Variants in SNX27 observed in about 807,000 individuals in gnomAD.
SNX27 encodes sorting nexin 27, also known as sorting nexin-27.
Under a neutral mutation model 71.6 loss-of-function variants are expected in SNX27, and 22 were observed. The ratio of observed to expected loss-of-function variants is 0.31; its 90% confidence interval spans 0.22 to 0.44. The LOEUF is 0.44. SNX27 is among the 20% of genes least tolerant of loss of function. SNX27 has a pLI of 1.00. For synonymous variants in SNX27, 269 were observed against 277.2 expected (o/e 0.97, Z 0.29); for missense variants, 531 against 698.6 (o/e 0.76, Z 2.70).
rs911013460 is a variant in SNX27, at chr1:151,698,333, G to A, written c.*3916G>A. 1 of 152,596 alleles carries A rather than the reference G, an allele frequency of 6.6e-6. No individual in the cohort carries two copies. Among genetic ancestry groups the A allele is most frequent in the African/African-American group, 2.4e-5 (1 of 41,450 alleles). 9.5% of individuals were successfully genotyped at this position (152,596 alleles called of 1,614,324 possible). A position where few individuals can be genotyped will look rare whatever the true frequency, so the allele number is the denominator to read the frequency against. ...CTCCTAGGAGGTAGTTTTCTTGAAG[G>A]GGACTGCATCCTAGTTGACCTGAAT... On this transcript the variant is annotated 3_prime_UTR_variant, in exon 12 of 12. Transcript: ENST00000458013.
chr1:151,658,504 A>C (rs935522954), intron 3 of SNX27, 77 bp downstream of exon 3: 1 of 1,385,104 alleles, frequency 7.2e-7, no homozygotes, highest in African/African-American at 1.4e-5. Context: ...TGCATAGCTG[A>C]ATTTCCAGAA....
chr1:151,618,019 C>T (rs1396353281), intron 1 of SNX27, among the ~76,000 whole-genome samples: 1 of 149,832 alleles, frequency 6.7e-6, no homozygotes, highest in Non-Finnish European at 1.5e-5. Context: ...CCACACCTGG[C>T]TAATTTTTTT....
At chr1:151,668,148 A>C (rs1283335471) in intron 6 of SNX27, among the ~76,000 whole-genome samples, 1 of 151,852 alleles carries the variant, frequency 6.6e-6, no homozygotes, top group Non-Finnish European at 1.5e-5. Context: ...TGTAGAGATC[A>C]CATTAGGCCC....
At chr1:151,636,689 A>G (rs902732947) in intron 1 of SNX27, among the ~76,000 whole-genome samples, 2 of 150,552 alleles carry the variant, frequency 1.3e-5, no homozygotes, top group Admixed American at 6.6e-5. Flanking sequence ...AAAAAAAAAA[A>G]AGGATATTCA....
intron 8 of SNX27, among the ~76,000 whole-genome samples, chr1:151,688,172 G>T (rs984167634): frequency 1.3e-5 from 2 of 152,184 alleles, no homozygotes; most frequent in African/African-American, 4.8e-5. Context: ...TGTCCTTGGT[G>T]AGACAACAGA....
intron 8 of SNX27, among the ~76,000 whole-genome samples, chr1:151,690,175 G>A (rs1163811026): frequency 1.3e-5 from 2 of 152,118 alleles, no homozygotes. Context: ...ACATAAAGAA[G>A]TTGGAAGAAA....
intron 1 of SNX27, chr1:151,613,871 T>C (rs1667307617): frequency 6.6e-6 from 1 of 152,226 alleles, no homozygotes; most frequent in South Asian, 2.1e-4. Context: ...ATCTATGTTG[T>C]GCATTCCTTT....
intron 1 of SNX27, among the ~76,000 whole-genome samples, chr1:151,635,456 G>T (rs1668422919): frequency 6.6e-6 from 1 of 152,154 alleles, no homozygotes; most frequent in Admixed American, 6.5e-5. Context: ...CCTTATTGAA[G>T]AATTTATATT....
At chr1:151,642,866 T>G (rs935046547) in intron 2 of SNX27, among the ~76,000 whole-genome samples, 3 of 152,150 alleles carry the variant, frequency 2.0e-5, no homozygotes, top group Non-Finnish European at 2.9e-5. Context: ...GGTCTCGATC[T>G]CCTGACCTTG....
chr1:151,651,985 C>T (rs529793623), intron 2 of SNX27, among the ~76,000 whole-genome samples: 5 of 152,156 alleles, frequency 3.3e-5, no homozygotes, highest in African/African-American at 7.2e-5. Context: ...GGATCACTTG[C>T]GGTTAGGGGC....
At chr1:151,658,693 CT>C (rs200781731) in intron 3 of SNX27, among the ~76,000 whole-genome samples, 9 of 148,934 alleles carry the variant, frequency 6.0e-5, no homozygotes, top group South Asian at 2.1e-4. Context: ...GCCTAATGGA[CT>C]TTTTTTTTTA....
intron 8 of SNX27, among the ~76,000 whole-genome samples, chr1:151,689,059 T>C (rs1485281349): frequency 1.3e-5 from 2 of 152,202 alleles, no homozygotes; most frequent in African/African-American, 4.8e-5. Flanking sequence ...TCTTTTGCTT[T>C]CAAGGACTAC....
intron 7 of SNX27, chr1:151,677,434 CAG>C (rs1260235508): frequency 6.6e-6 from 1 of 152,108 alleles, no homozygotes; most frequent in African/African-American, 2.4e-5. Flanking sequence ...AGCTAGGAGT[CAG>C]AATATCTGAT....
intron 5 of SNX27, 99 bp downstream of exon 5, chr1:151,662,369 C>G: frequency 1.5e-6 from 1 of 647,446 alleles, no homozygotes; most frequent in South Asian, 2.0e-5. Flanking sequence ...GGGTGTCTGG[C>G]ACATAATCCG....
chr1:151,692,407 T>C (rs1246841380), intron 8 of SNX27, 28 bp from the exon 9 acceptor site: 3 of 441,506 alleles, frequency 6.8e-6, no homozygotes, highest in African/African-American at 1.3e-4. Context: ...TTCTCCTTCC[T>C]TTTTTTTTTT....
chr1:151,614,118 C>T (rs1667320658), intron 1 of SNX27: 1 of 151,320 alleles, frequency 6.6e-6, no homozygotes, highest in Non-Finnish European at 1.5e-5. Flanking sequence ...TCCACTCATT[C>T]TGTTTCCTCA....
chr1:151,622,870 C>T (rs1436213094), intron 1 of SNX27, among the ~76,000 whole-genome samples: 1 of 152,126 alleles, frequency 6.6e-6, no homozygotes, highest in Non-Finnish European at 1.5e-5. Flanking sequence ...CTTACTGAAG[C>T]CACAACCTCC....
chr1:151,654,179 C>G (rs1407363923), intron 2 of SNX27, among the ~76,000 whole-genome samples: 1 of 152,154 alleles, frequency 6.6e-6, no homozygotes, highest in Non-Finnish European at 1.5e-5. Context: ...TTTCAGCCAC[C>G]TGTGCATACC....
At chr1:151,660,564 T>C in intron 3 of SNX27, 1 of 444,732 alleles carries the variant, frequency 2.2e-6, no homozygotes, top group South Asian at 3.1e-5. Flanking sequence ...TTAATATTTT[T>C]AGCAAGCTAC....
Sources: allele counts gnomAD v4.1 joint callset (sites outside exome capture counted in the v4.1 genomes callset), GRCh38; gene constraint gnomAD v4.1.1; transcripts MANE v1.5; gene names NCBI Gene and HGNC (gene_info 2026-07-23, HGNC 2026-07-21).